The following MYO5B variants were observed in gnomAD, a reference collection of about 807,000 sequenced individuals.
MYO5B encodes the protein myosin VB.
MYO5B carries 143 observed loss-of-function variants against 229.3 expected under a neutral mutation model. The observed-to-expected ratio is 0.62, with a 90% CI of 0.54 to 0.72. The LOEUF (loss-of-function observed/expected upper bound fraction) is 0.72, where lower values mean the gene tolerates loss of function less well. MYO5B is among the 30% of genes least tolerant of loss of function. The pLI is 0.00. For missense variants in MYO5B, 2,321 were observed against 2,331.0 expected (o/e 1.00, Z 0.09); for synonymous variants, 918 against 885.2 (o/e 1.04, Z -0.66).
intron 4 of MYO5B, among the ~76,000 whole-genome samples, chr18:50,009,091 A>C (rs1568068953): frequency 6.6e-6 from 1 of 152,230 alleles, no homozygotes; most frequent in Non-Finnish European, 1.5e-5. Context: ...ATAATAGTAT[A>C]TATGTGCCGA....
chr18:49,906,730 G>A, intron 18 of MYO5B, 100 bp from the exon 19 acceptor site: 1 of 1,034,558 alleles, frequency 9.7e-7, no homozygotes, highest in Middle Eastern at 2.2e-4. Context: ...CCCCTGGCCA[G>A]ACTTCATGCA....
At chr18:49,910,965 C>A (rs1318059542) in intron 18 of MYO5B, among the ~76,000 whole-genome samples, 1 of 152,220 alleles carries the variant, frequency 6.6e-6, no homozygotes, top group African/African-American at 2.4e-5. Flanking sequence ...TTGCCCCTCA[C>A]AAAAGGCCCC....
Position 49,873,598 on chromosome 18 carries a change from G to A in MYO5B, c.3538-1366C>T, listed in dbSNP as rs760495246. ...GTCCAGGGTCTGCATTCAACCTGCT[G>A]CTCCGGTGAGAGTTCTGTACTTGTG... On this transcript the variant is annotated intron_variant, in intron 26 of 39. Transcript: ENST00000285039. 1.2e-4 allele frequency among the ~76,000 whole-genome samples: 19 copies of A among 152,224 alleles called. 1 individual carries two copies. The highest frequency in any genetic ancestry group is 1.7e-4 in the African/African-American group (7 of 41,454).
intron 5 of MYO5B, among the ~76,000 whole-genome samples, chr18:50,000,383 A>C (rs1390297070): frequency 6.6e-6 from 1 of 152,202 alleles, no homozygotes; most frequent in Admixed American, 6.5e-5. Context: ...AGATGACATA[A>C]AACAAACGGA....
chr18:50,001,261 G>A lies in MYO5B; in HGVS notation c.606C>T (p.Ile202=). ...GACACCTAGAAGGCTTTACCTCCATGATGGGACTGGATGCCAGCACCTTCT... is the reference window on the plus strand; with the variant it reads ...GACACCTAGAAGGCTTTACCTCCATAATGGGACTGGATGCCAGCACCTTCT... ...IEEKVLASSP[I]MEAIGNAKTT... The change falls in exon 5 of 40, where the codon ATC becomes ATT. Residue 202 remains isoleucine (I), a synonymous_variant. Coordinates refer to ENST00000285039, the MANE Select transcript of MYO5B (RefSeq NM_001080467.3). The A allele has an allele frequency of 1.2e-6, 2 of 1,614,166 alleles. No individual in the cohort carries two copies. The highest frequency in any genetic ancestry group is 1.3e-5 in the African/African-American group (1 of 75,056).
intron 1 of MYO5B, among the ~76,000 whole-genome samples, chr18:50,107,738 TTGTA>T (rs1746918097): frequency 2.0e-5 from 3 of 152,148 alleles, no homozygotes; most frequent in African/African-American, 7.2e-5. Flanking sequence ...CACTGCTTTG[TTGTA>T]TGTGTTTTTA....
At chr18:49,872,894 TG>T (rs1362515587) in intron 26 of MYO5B, among the ~76,000 whole-genome samples, 1 of 152,236 alleles carries the variant, frequency 6.6e-6, no homozygotes, top group African/African-American at 2.4e-5. Context: ...TGTGGTGTTT[TG>T]TTTCAGCAGC....
At chr18:49,948,151 G>C (rs773391098) in intron 14 of MYO5B, among the ~76,000 whole-genome samples, 1 of 152,184 alleles carries the variant, frequency 6.6e-6, no homozygotes, top group Non-Finnish European at 1.5e-5. Context: ...GAATATAAAA[G>C]ATATTTCCTC....
At chr18:49,904,926 T>C in intron 19 of MYO5B, 98 bp from the exon 20 acceptor site, 1 of 1,450,314 alleles carries the variant, frequency 6.9e-7, no homozygotes, top group Non-Finnish European at 9.4e-7. Context: ...CCTCTCCCTC[T>C]GTGGCCCTAC....
At chr18:49,874,894 C>A (rs1342579151) in intron 26 of MYO5B, among the ~76,000 whole-genome samples, 2 of 152,194 alleles carry the variant, frequency 1.3e-5, no homozygotes, top group Admixed American at 1.3e-4. Flanking sequence ...TCCTATGGCA[C>A]CAACCTGTTT....
intron 13 of MYO5B, among the ~76,000 whole-genome samples, chr18:49,954,024 ATGTG>A (rs766610907): frequency 0.059 from 3,035 of 51,030 alleles, 79 homozygotes; most frequent in Middle Eastern, 0.097. Flanking sequence ...ATGTATTTAT[ATGTG>A]TGTGTGTGTG....
intron 1 of MYO5B, among the ~76,000 whole-genome samples, chr18:50,110,036 A>T (rs769607528): frequency 2.0e-5 from 3 of 151,188 alleles, no homozygotes; most frequent in Non-Finnish European, 3.0e-5. Context: ...CACTCCCTTC[A>T]CTCAGCTCCA....
chr18:49,985,732 C>T (rs1029003842), intron 7 of MYO5B, among the ~76,000 whole-genome samples: 6 of 152,146 alleles, frequency 3.9e-5, no homozygotes, highest in African/African-American at 1.2e-4. Flanking sequence ...AGACACTGGC[C>T]AAGTTCCCTC....
intron 1 of MYO5B, among the ~76,000 whole-genome samples, chr18:50,167,671 G>C (rs1376599786): frequency 1.3e-5 from 2 of 152,082 alleles, no homozygotes; most frequent in African/African-American, 2.4e-5. Context: ...CTGGTTTAAG[G>C]CCCATCTCCC....
At chr18:49,909,175 G>T (rs533093054) in intron 18 of MYO5B, among the ~76,000 whole-genome samples, 1 of 152,192 alleles carries the variant, frequency 6.6e-6, no homozygotes, top group Admixed American at 6.5e-5. Context: ...TTAGTTTCTC[G>T]ATACAAAGTC....
intron 1 of MYO5B, among the ~76,000 whole-genome samples, chr18:50,110,674 C>T (rs1377740370): frequency 1.3e-5 from 2 of 152,072 alleles, no homozygotes; most frequent in Admixed American, 6.5e-5. Context: ...AGTATAGGGC[C>T]AACTGAGGAC....
rs150406446 is a variant in MYO5B, at chr18:49,832,370, G to A, written c.5394+2974C>T. 2.6e-4 allele frequency among the ~76,000 whole-genome samples: 39 copies of A among 152,320 alleles called. No individual in the cohort carries two copies. In the East Asian group the frequency reaches 5.6e-3, roughly 22 times the overall value. On this transcript the variant is annotated intron_variant, in intron 39 of 39. Coordinates refer to ENST00000285039, the MANE Select transcript of MYO5B (RefSeq NM_001080467.3). ...ATGCTCCTTTGTTCCTCCTGCCCAT[G>A]CATTAACCATTGACCTCTGAACCAT...
At chr18:50,078,146 C>T (rs11873938) in intron 1 of MYO5B, among the ~76,000 whole-genome samples, 17,742 of 152,144 alleles carry the variant, frequency 0.12, 2,106 homozygotes, top group African/African-American at 0.31. Flanking sequence ...TAGCAGAGTT[C>T]CCAAACTCAA....
chr18:49,989,074 C>G (rs1250342916), intron 7 of MYO5B, among the ~76,000 whole-genome samples: 1 of 152,164 alleles, frequency 6.6e-6, no homozygotes, highest in Non-Finnish European at 1.5e-5. Context: ...CACTCTGCAT[C>G]ATAATTGACA....
Sources: allele counts gnomAD v4.1 joint callset (sites outside exome capture counted in the v4.1 genomes callset), GRCh38; gene constraint gnomAD v4.1.1; transcripts MANE v1.5; gene names NCBI Gene and HGNC (gene_info 2026-07-23, HGNC 2026-07-21).